Variants in COL19A1 observed in about 807,000 individuals in gnomAD.
The protein encoded by COL19A1 is collagen type XIX alpha 1 chain.
Under a neutral mutation model 190.2 loss-of-function variants are expected in COL19A1, and 159 were observed. The ratio of observed to expected loss-of-function variants is 0.84; its 90% CI spans 0.73 to 0.95. COL19A1 has a LOEUF of 0.95. Ranked by LOEUF, COL19A1 falls within the 40% of genes least tolerant of loss-of-function variation. The pLI is 0.00. For missense variants in COL19A1, 1,418 were observed against 1,431.9 expected (o/e 0.99, Z 0.16); for synonymous variants, 509 against 458.9 (o/e 1.11, Z -1.39).
intron 14 of COL19A1, among the ~76,000 whole-genome samples, chr6:70,037,607 G>A (rs565301162): frequency 8.5e-5 from 13 of 152,264 alleles, no homozygotes; most frequent in African/African-American, 3.1e-4. Flanking sequence ...ACACATGCCT[G>A]TTTTTCTTCA....
intron 4 of COL19A1, among the ~76,000 whole-genome samples, chr6:69,900,912 T>C (rs1770147451): frequency 1.3e-5 from 2 of 152,008 alleles, no homozygotes; most frequent in South Asian, 4.1e-4. Context: ...CAGATACACT[T>C]AGAGTTACAA....
intron 4 of COL19A1, among the ~76,000 whole-genome samples, chr6:69,911,238 A>G (rs1165889875): frequency 2.6e-5 from 4 of 152,232 alleles, no homozygotes; most frequent in East Asian, 1.9e-4. Flanking sequence ...TGTCATTTCA[A>G]TTCTTTCAAC....
At chr6:70,126,934 T>TTTCTA in intron 17 of COL19A1, among the ~76,000 whole-genome samples, 1 of 152,348 alleles carries the variant, frequency 6.6e-6, no homozygotes, top group Non-Finnish European at 1.5e-5. Flanking sequence ...CCTTTTAAGT[T>TTTCTA]TTCTATCAGC....
intron 4 of COL19A1, among the ~76,000 whole-genome samples, chr6:69,907,389 C>A (rs1391075080): frequency 3.3e-5 from 5 of 152,070 alleles, no homozygotes; most frequent in Non-Finnish European, 7.4e-5. Context: ...CTCGGCCCCC[C>A]AAAGTGCTGG....
chr6:70,074,919 A>G (rs1781795368), intron 15 of COL19A1, among the ~76,000 whole-genome samples: 1 of 147,480 alleles, frequency 6.8e-6, no homozygotes, highest in Non-Finnish European at 1.5e-5. Context: ...ATTACTTTAA[A>G]TAATAGTTTT....
rs146879376 is a variant in COL19A1, at chr6:69,896,264, G to A, written c.92-2684G>A. On this transcript the variant is annotated intron_variant, in intron 2 of 50. Coordinates refer to ENST00000620364, the MANE Select transcript of COL19A1 (RefSeq NM_001858.6). Reference sequence around the variant, plus strand: ...GTAAATACTGCCAAACAGGCCGGGCGCGGTGGCTCACGCCTGTAATCCCAG... The same window carrying A: ...GTAAATACTGCCAAACAGGCCGGGCACGGTGGCTCACGCCTGTAATCCCAG... Among the ~76,000 whole-genome samples the A allele has an allele frequency of 9.1e-3, 1,389 of 152,128 alleles. 11 individuals are homozygous for A. Among genetic ancestry groups the A allele is most frequent in the African/African-American group, 0.03 (1,247 of 41,486 alleles).
At chr6:69,973,329 C>G (rs558055915) in intron 11 of COL19A1, among the ~76,000 whole-genome samples, 2 of 152,290 alleles carry the variant, frequency 1.3e-5, no homozygotes, top group African/African-American at 2.4e-5. Flanking sequence ...CTGCTGGGCT[C>G]CTTGTCCTCA....
intron 48 of COL19A1, among the ~76,000 whole-genome samples, chr6:70,191,044 G>A (rs1490645563): frequency 6.6e-6 from 1 of 152,132 alleles, no homozygotes; most frequent in East Asian, 1.9e-4. Context: ...TTCTCTGGCT[G>A]TTATCCCACT....
rs114229103 is a variant in COL19A1, at chr6:69,993,537, A to G, written c.1027-30090A>G. On this transcript the variant is annotated intron_variant, in intron 11 of 50. Coordinates refer to ENST00000620364, the MANE Select transcript of COL19A1 (RefSeq NM_001858.6). ...AAGTAGTTTCAGTAGGATTGGTACC[A>G]ACTCTTCTTTATTTGTCTAGTAGAA... 5.1e-3 allele frequency among the ~76,000 whole-genome samples: 780 copies of G among 152,092 alleles called. 10 individuals are homozygous for G. Among genetic ancestry groups the G allele is most frequent in the African/African-American group, 0.018 (735 of 41,460 alleles).
At chr6:70,085,293 C>T (rs1347706821) in intron 15 of COL19A1, among the ~76,000 whole-genome samples, 1 of 152,166 alleles carries the variant, frequency 6.6e-6, no homozygotes, top group Non-Finnish European at 1.5e-5. Flanking sequence ...GCCCTGCTAA[C>T]TACTAACACT....
intron 10 of COL19A1, among the ~76,000 whole-genome samples, chr6:69,962,484 A>C (rs1003205100): frequency 3.9e-5 from 6 of 152,226 alleles, no homozygotes; most frequent in South Asian, 2.1e-4. Context: ...TGGCTAACTT[A>C]GTCTTTGCCA....
chr6:70,079,586 G>T (rs1782111287), intron 15 of COL19A1, among the ~76,000 whole-genome samples: 1 of 152,156 alleles, frequency 6.6e-6, no homozygotes, highest in Non-Finnish European at 1.5e-5. Flanking sequence ...AGAAAGTTTT[G>T]AAAGGGAGGA....
intron 31 of COL19A1, among the ~76,000 whole-genome samples, chr6:70,152,968 G>T (rs1170434786): frequency 6.6e-6 from 1 of 152,096 alleles, no homozygotes; most frequent in African/African-American, 2.4e-5. Context: ...CTCAGAAGTG[G>T]AACTAATTGA....
chr6:70,149,757 T>C lies in COL19A1; in HGVS notation c.1929+18T>C, dbSNP rs1168335397. ...GTATTCAGGTAAGCTATTTAACTAATTTTTTAGCACAGCAAAGCCAGCTTG... is the reference window on the plus strand; with the variant it reads ...GTATTCAGGTAAGCTATTTAACTAACTTTTTAGCACAGCAAAGCCAGCTTG... On this transcript the variant is annotated intron_variant, in intron 28 of 50. Transcript: ENST00000620364. 2 of 1,613,640 alleles carry C rather than the reference T, an allele frequency of 1.2e-6. No individual in the cohort carries two copies. The highest frequency in any genetic ancestry group is 1.1e-5 in the South Asian group (1 of 91,068).
At position 69,946,787 on chromosome 6, in the gene COL19A1, T is replaced by C. The variant is rs73480082; in HGVS notation, c.936+8687T>C. 8.3e-3 allele frequency among the ~76,000 whole-genome samples: 1,255 copies of C among 152,026 alleles called. 18 individuals carry two copies. The highest frequency in any genetic ancestry group is 0.026 in the African/African-American group (1,080 of 41,494). On this transcript the variant is annotated intron_variant, in intron 9 of 50. Coordinates refer to ENST00000620364, the MANE Select transcript of COL19A1 (RefSeq NM_001858.6). ...AAAGATATGATGGTTTACTCTTTGA[T>C]CAAAATTTATGGTTATTTTATAAAG...
chr6:69,951,974 C>A (rs763527633), intron 9 of COL19A1, among the ~76,000 whole-genome samples: 15 of 151,874 alleles, frequency 9.9e-5, no homozygotes, highest in Non-Finnish European at 1.8e-4. Context: ...ACAGGCAGGT[C>A]TGAATTAGAT....
chr6:69,965,513 C>T (rs535942478), intron 11 of COL19A1, among the ~76,000 whole-genome samples: 2 of 152,278 alleles, frequency 1.3e-5, no homozygotes, highest in East Asian at 3.9e-4. Context: ...TCTCCTTAGT[C>T]CTGAGAAAAA....
Position 69,935,609 on chromosome 6 carries a change from A to G in COL19A1, c.748-1176A>G, listed in dbSNP as rs112316286. On this transcript the variant is annotated intron_variant, in intron 7 of 50. Coordinates refer to ENST00000620364, the MANE Select transcript of COL19A1 (RefSeq NM_001858.6). ...ATCTGGAGAGAGTAGATTTGAAAGA[A>G]CTAGTGGTGGATACAGTAAACTAGT... 2.3e-3 allele frequency among the ~76,000 whole-genome samples: 353 copies of G among 152,246 alleles called. 2 individuals are homozygous for G. The highest frequency in any genetic ancestry group is 8.1e-3 in the African/African-American group (337 of 41,578).
intron 14 of COL19A1, among the ~76,000 whole-genome samples, chr6:70,066,129 G>T (rs373968634): frequency 2.4e-4 from 36 of 152,218 alleles, no homozygotes; most frequent in African/African-American, 7.5e-4. Flanking sequence ...AATTCATGCT[G>T]CTATAAAGAC....
Sources: gnomAD v4.1 joint callset for allele counts (sites outside exome capture counted in the v4.1 genomes callset) on GRCh38, gnomAD v4.1.1 for gene constraint, MANE v1.5 for transcripts, NCBI Gene and HGNC (gene_info 2026-07-23, HGNC 2026-07-21) for gene names.